ANO10: variants seen among roughly 807,000 people sequenced by gnomAD.
ANO10 encodes the protein anoctamin 10.
A neutral mutation model predicts 74.7 loss-of-function variants in ANO10; 77 were observed. That is an observed-to-expected ratio of 1.03 (90% confidence interval 0.86 to 1.25). The LOEUF (loss-of-function observed/expected upper bound fraction) is 1.25, where lower values mean the gene tolerates loss of function less well. ANO10 is among the 50% of genes most tolerant of loss of function. The probability of loss-of-function intolerance (pLI) is 0.00; values close to 1 mark genes in which losing one functional copy is unlikely to be tolerated. For synonymous variants in ANO10, 279 were observed against 284.9 expected, an observed-to-expected ratio of 0.98 and a Z score of 0.21; for missense variants, 721 against 778.1, an observed-to-expected ratio of 0.93 and a Z score of 0.87.
At chr3:43,529,059 A>T (rs1306928946) in intron 11 of ANO10, among the ~76,000 whole-genome samples, 3 of 152,228 alleles carry the variant, frequency 2.0e-5, no homozygotes, top group Non-Finnish European at 4.4e-5. Flanking sequence ...GCCCATGTGT[A>T]TCTGTGATCT....
intron 11 of ANO10, among the ~76,000 whole-genome samples, chr3:43,541,755 ATGC>A (rs561190501): frequency 3.9e-5 from 6 of 152,204 alleles, no homozygotes; most frequent in Non-Finnish European, 7.4e-5. Context: ...GCTTCATCAT[ATGC>A]TGTCCTTGCT....
At chr3:43,671,891 CA>C (rs1279442518) in intron 1 of ANO10, among the ~76,000 whole-genome samples, 1 of 152,132 alleles carries the variant, frequency 6.6e-6, no homozygotes, top group Non-Finnish European at 1.5e-5. Flanking sequence ...CTTCAAATCT[CA>C]AAGGAGAGTT....
At chr3:43,415,192 G>C (rs2092720197) in intron 12 of ANO10, among the ~76,000 whole-genome samples, 3 of 151,784 alleles carry the variant, frequency 2.0e-5, no homozygotes, top group East Asian at 1.9e-4. Context: ...GGCCAGGCTG[G>C]TCTTGAACTC....
chr3:43,551,279 C>A (rs2079444065), intron 10 of ANO10, among the ~76,000 whole-genome samples: 1 of 152,168 alleles, frequency 6.6e-6, no homozygotes, highest in Non-Finnish European at 1.5e-5. Flanking sequence ...TACGAAGCTG[C>A]ACTCCATGGG....
rs1049409905 is a variant in ANO10, at chr3:43,439,267, G to T, written c.1798-6540C>A. 1.2e-4 allele frequency among the ~76,000 whole-genome samples: 18 copies of T among 151,472 alleles called. No homozygotes were observed. In the East Asian group the frequency reaches 3.5e-3, roughly 29 times the overall value. On this transcript the variant is annotated intron_variant, in intron 11 of 12. Coordinates refer to ENST00000292246, the MANE Select transcript of ANO10 (RefSeq NM_018075.5). The stretch of plus-strand genomic sequence containing the variant: ...ACTGAAAGAAAAAACTCCCAACCAA[G>T]AATTGTATACCTGGAAAAATCATCC...
At chr3:43,504,667 G>A (rs1169282162) in intron 11 of ANO10, among the ~76,000 whole-genome samples, 1 of 151,804 alleles carries the variant, frequency 6.6e-6, no homozygotes, top group African/African-American at 2.4e-5. Flanking sequence ...TTTTGAGACA[G>A]AGTCTCACTC....
At chr3:43,655,807 C>T (rs1477367975) in intron 1 of ANO10, among the ~76,000 whole-genome samples, 97 of 121,624 alleles carry the variant, frequency 8.0e-4, no homozygotes, top group East Asian at 2.1e-3. Flanking sequence ...TACAGAGTGC[C>T]GATTGGTGTA....
intron 11 of ANO10, among the ~76,000 whole-genome samples, chr3:43,500,519 A>G (rs767706520): frequency 2.0e-5 from 3 of 152,224 alleles, no homozygotes; most frequent in Non-Finnish European, 4.4e-5. Flanking sequence ...CATGTTGACG[A>G]TGGCAGCTCC....
chr3:43,679,323 C>T (rs1328047100), intron 1 of ANO10, among the ~76,000 whole-genome samples: 2 of 152,168 alleles, frequency 1.3e-5, no homozygotes, highest in African/African-American at 4.8e-5. Context: ...GGTCCTACGC[C>T]CACGGAGCCT....
intron 11 of ANO10, among the ~76,000 whole-genome samples, chr3:43,468,827 C>T (rs1475717705): frequency 1.3e-5 from 2 of 151,692 alleles, no homozygotes; most frequent in Non-Finnish European, 2.9e-5. Context: ...TCTCCTGCCT[C>T]AGCCTCCCGA....
chr3:43,492,820 C>A (rs919887207), intron 11 of ANO10, among the ~76,000 whole-genome samples: 1 of 152,160 alleles, frequency 6.6e-6, no homozygotes, highest in Non-Finnish European at 1.5e-5. Context: ...AAAATAAGTA[C>A]ACTTTTACAC....
intron 12 of ANO10, among the ~76,000 whole-genome samples, chr3:43,397,360 T>A (rs1275971061): frequency 6.6e-6 from 1 of 152,198 alleles, no homozygotes; most frequent in East Asian, 1.9e-4. Context: ...TTCTGACAAG[T>A]ATTTCAGCTT....
chr3:43,607,769 A>C (rs1482614347), intron 1 of ANO10, among the ~76,000 whole-genome samples: 1 of 152,226 alleles, frequency 6.6e-6, no homozygotes, highest in East Asian at 1.9e-4. Context: ...ATATTCAAAG[A>C]ACTAAAAGAC....
intron 11 of ANO10, among the ~76,000 whole-genome samples, chr3:43,475,228 A>G (rs551343826): frequency 6.6e-6 from 1 of 152,324 alleles, no homozygotes; most frequent in East Asian, 1.9e-4. Context: ...TTATTCAATT[A>G]TCTAATGTTG....
Position 43,565,650 on chromosome 3 carries a change from T to C in ANO10, c.1293+3A>G. The C allele has an allele frequency of 2.5e-6, 4 of 1,572,444 alleles. No individual in the cohort carries two copies. In the South Asian group the frequency reaches 3.5e-5, roughly 14 times the overall value. The stretch of plus-strand genomic sequence containing the variant: ...TTGGTATTTTTCTGTTATTTTTACT[T>C]ACCTGGCGCAAAAGCTTCATATCTT... On this transcript the variant is annotated splice_donor_region_variant and intron_variant, in intron 8 of 12. Coordinates refer to ENST00000292246, the MANE Select transcript of ANO10 (RefSeq NM_018075.5).
intron 11 of ANO10, among the ~76,000 whole-genome samples, chr3:43,503,853 T>G (rs753209506): frequency 1.3e-5 from 2 of 152,212 alleles, no homozygotes; most frequent in Non-Finnish European, 2.9e-5. Flanking sequence ...AATCAGGTGA[T>G]TTTTATGATT....
chr3:43,675,649 CA>C (rs1356012954), intron 1 of ANO10, among the ~76,000 whole-genome samples: 2 of 152,066 alleles, frequency 1.3e-5, no homozygotes, highest in Non-Finnish European at 2.9e-5. Flanking sequence ...CAGGGAAATG[CA>C]AATTAAAGTC....
chr3:43,448,026 T>A (rs1039798722), intron 11 of ANO10, among the ~76,000 whole-genome samples: 1 of 152,102 alleles, frequency 6.6e-6, no homozygotes, highest in Non-Finnish European at 1.5e-5. Flanking sequence ...TTAGACAAGG[T>A]CATAAGGATG....
chr3:43,644,296 T>C (rs2083704938), intron 1 of ANO10, among the ~76,000 whole-genome samples: 1 of 152,182 alleles, frequency 6.6e-6, no homozygotes, highest in African/African-American at 2.4e-5. Context: ...ACTATGTATT[T>C]AAAAGCCCAG....
Sources: allele counts gnomAD v4.1 joint callset (sites outside exome capture counted in the v4.1 genomes callset), GRCh38; gene constraint gnomAD v4.1.1; transcripts MANE v1.5; gene names NCBI Gene and HGNC (gene_info 2026-07-23, HGNC 2026-07-21).